The following CCDC50 variants were observed in gnomAD, a reference collection of about 807,000 sequenced individuals.
CCDC50 encodes the protein coiled-coil domain-containing protein 50.
In CCDC50, 54 loss-of-function variants were observed where a neutral mutation model predicts 70.2. That is an observed-to-expected ratio of 0.77 (90% CI 0.62 to 0.96). The LOEUF (loss-of-function observed/expected upper bound fraction) is 0.96. Among genes scored for constraint, CCDC50 ranks in the 50% least tolerant of loss-of-function variants. The pLI is 0.00. For missense variants in CCDC50, 558 were observed against 578.7 expected (o/e 0.96, Z 0.37); for synonymous variants, 216 against 198.8 (o/e 1.09, Z -0.73).
intron 11 of CCDC50, among the ~76,000 whole-genome samples, chr3:191,391,116 T>C (rs976702898): frequency 9.4e-6 from 1 of 106,078 alleles, no homozygotes; most frequent in African/African-American, 6.9e-5. Context: ...TTTGCAAATA[T>C]ATTATATCTC....
At chr3:191,343,537 A>G (rs964422049) in intron 1 of CCDC50, among the ~76,000 whole-genome samples, 5 of 152,384 alleles carry the variant, frequency 3.3e-5, no homozygotes, top group East Asian at 1.9e-4. Flanking sequence ...ATTTAAAAAC[A>G]GCAGAAGTGC....
chr3:191,336,822 A>G (rs1448337681), intron 1 of CCDC50, among the ~76,000 whole-genome samples: 1 of 152,208 alleles, frequency 6.6e-6, no homozygotes, highest in Non-Finnish European at 1.5e-5. Context: ...AAGTTTTTGC[A>G]GTGACAGCTC....
chr3:191,352,595 A>C lies in CCDC50; in HGVS notation c.50-4493A>C. ...ACATAACCTGTTTAGACTGAATTCC[A>C]TCGTACATTTAATAGACTATCAATA... On this transcript the variant is annotated intron_variant, in intron 1 of 11. Transcript: ENST00000392455. Among the ~76,000 whole-genome samples the C allele has an allele frequency of 1.4e-5, 2 of 142,624 alleles. 1 individual carries two copies. Among genetic ancestry groups the C allele is most frequent in the Non-Finnish European group, 3.2e-5 (2 of 63,256 alleles). 93.6% of individuals were successfully genotyped at this position (142,624 alleles called of 152,430 possible).
intron 1 of CCDC50, among the ~76,000 whole-genome samples, chr3:191,336,605 A>C (rs1208875238): frequency 6.6e-6 from 1 of 152,134 alleles, no homozygotes; most frequent in Non-Finnish European, 1.5e-5. Context: ...ATGCTTTTAA[A>C]AACCTTAGTT....
At chr3:191,360,230 T>C (rs1013137880) in intron 3 of CCDC50, among the ~76,000 whole-genome samples, 1 of 152,248 alleles carries the variant, frequency 6.6e-6, no homozygotes, top group Admixed American at 6.5e-5. Flanking sequence ...TATAATTAGC[T>C]GACTGAACCA....
At chr3:191,371,235 G>C (rs1712903088) in intron 5 of CCDC50, among the ~76,000 whole-genome samples, 1 of 152,122 alleles carries the variant, frequency 6.6e-6, no homozygotes, top group Non-Finnish European at 1.5e-5. Context: ...CTTCTCTGGT[G>C]CCTGCTTTGC....
chr3:191,366,724 A>G (rs1437730224), intron 4 of CCDC50, among the ~76,000 whole-genome samples: 2 of 151,788 alleles, frequency 1.3e-5, no homozygotes, highest in African/African-American at 4.8e-5. Flanking sequence ...CATCTTAAAG[A>G]GTTATATATG....
At position 191,391,793 on chromosome 3, in the gene CCDC50, C is replaced by G. The variant is rs750828991; in HGVS notation, c.*33C>G. 6.3e-7 allele frequency: 1 copy of G among 1,591,550 alleles called. No individual in the cohort carries two copies. Among genetic ancestry groups the G allele is most frequent in the Non-Finnish European group, 8.6e-7 (1 of 1,159,916 alleles). ...GGAATCTGCCTTGAAAATGGACTCA[C>G]TATAGCAAATATTACTGGGTGATAC... On this transcript the variant is annotated 3_prime_UTR_variant, in exon 12 of 12. Coordinates refer to ENST00000392455, the MANE Select transcript of CCDC50 (RefSeq NM_178335.3).
intron 4 of CCDC50, among the ~76,000 whole-genome samples, chr3:191,365,871 A>G (rs1712670254): frequency 6.6e-6 from 1 of 152,144 alleles, no homozygotes; most frequent in African/African-American, 2.4e-5. Context: ...TCATATACAG[A>G]TTGAGCATCC....
In CCDC50 at chr3:191,394,997, A is replaced by G. The variant is rs1198713386; in HGVS notation, c.*3237A>G. 2.0e-5 allele frequency: 3 copies of G among 152,186 alleles called. No homozygotes were observed. The highest frequency in any genetic ancestry group is 4.4e-5 in the Non-Finnish European group (3 of 68,000). 9.4% of individuals were successfully genotyped at this position (152,186 alleles called of 1,614,324 possible). ...TTACAAAAGCAGAAAATGAAAATTA[A>G]CCCTAGGTGTTCTGATGATAGAGAA... On this transcript the variant is annotated 3_prime_UTR_variant, in exon 12 of 12. Transcript: ENST00000392455.
intron 4 of CCDC50, among the ~76,000 whole-genome samples, chr3:191,363,087 T>C (rs1479350870): frequency 6.8e-6 from 1 of 146,292 alleles, no homozygotes; most frequent in Non-Finnish European, 1.5e-5. Context: ...TTTTTTTTTT[T>C]CTCCGTTTAG....
chr3:191,333,661 A>G (rs917289379), intron 1 of CCDC50, among the ~76,000 whole-genome samples: 7 of 152,188 alleles, frequency 4.6e-5, no homozygotes, highest in Admixed American at 3.9e-4. Context: ...ATCAGCAACT[A>G]TTCAGTAAAT....
At position 191,329,942 on chromosome 3, in the gene CCDC50, TGG is replaced by T. The variant is rs34226642; in HGVS notation, c.49+232_49+233del. Among the ~76,000 whole-genome samples, 17,547 of 102,398 alleles carry T rather than the reference TGG, an allele frequency of 0.17. 1,396 individuals are homozygous for T. Among genetic ancestry groups the T allele is most frequent in the African/African-American group, 0.18 (6,131 of 33,152 alleles). The allele number at this position is 102,398 out of a possible 152,430, so 67.2% of individuals were successfully genotyped here. ...GCCCGTTTTTTCTCAAGGGGGTGGT[TGG>T]GGGGGGGGGGGGCTAGCAGCAGCCC... On this transcript the variant is annotated intron_variant, in intron 1 of 11. Transcript: ENST00000392455.
chr3:191,364,017 C>A (rs1023097706), intron 4 of CCDC50, among the ~76,000 whole-genome samples: 3 of 151,808 alleles, frequency 2.0e-5, no homozygotes, highest in African/African-American at 7.3e-5. Flanking sequence ...AGTGCTAACT[C>A]TTCCGGCCAA....
Position 191,349,631 on chromosome 3 carries a change from A to G in CCDC50, c.50-7457A>G, listed in dbSNP as rs1712038026. 1.4e-5 allele frequency among the ~76,000 whole-genome samples: 2 copies of G among 141,956 alleles called. 1 individual carries two copies. Among genetic ancestry groups the G allele is most frequent in the Admixed American group, 1.4e-4 (2 of 13,888 alleles). 93.1% of individuals were successfully genotyped at this position (141,956 alleles called of 152,430 possible). ...AGGTACTTAATGAAGTACAGTGTAC[A>G]TTATTCAGGTGGTGATTACGGTAAA... On this transcript the variant is annotated intron_variant, in intron 1 of 11. Coordinates refer to ENST00000392455, the MANE Select transcript of CCDC50 (RefSeq NM_178335.3).
At chr3:191,369,878 C>T (rs1712836001) in intron 4 of CCDC50, 41 bp from the exon 5 acceptor site, 1 of 1,433,634 alleles carries the variant, frequency 7.0e-7, no homozygotes, top group African/African-American at 1.4e-5. Flanking sequence ...TTTGTTTGTT[C>T]TTTGGTAATG....
intron 3 of CCDC50, 43 bp from the exon 4 acceptor site, chr3:191,361,026 A>G: frequency 7.6e-7 from 1 of 1,308,694 alleles, no homozygotes; most frequent in South Asian, 1.2e-5. Flanking sequence ...GAAATACATT[A>G]TTTTTTATTT....
intron 9 of CCDC50, among the ~76,000 whole-genome samples, chr3:191,381,793 A>G (rs950908728): frequency 1.3e-5 from 2 of 152,096 alleles, no homozygotes; most frequent in African/African-American, 4.8e-5. Context: ...TTCCTTACAC[A>G]GTTGGTGTTT....
chr3:191,361,016 G>A lies in CCDC50; in HGVS notation c.240-53G>A, dbSNP rs765113220. On this transcript the variant is annotated intron_variant, in intron 3 of 11. Coordinates refer to ENST00000392455, the MANE Select transcript of CCDC50 (RefSeq NM_178335.3). ...AATAAATTGTATTTATTACTTTTAG[G>A]AAATACATTATTTTTTATTTTCCTT... 424 of 1,201,868 alleles carry A rather than the reference G, an allele frequency of 3.5e-4. No homozygotes were observed. The Middle Eastern group carries it at 9.3e-3, about 26-fold the overall frequency. 74.5% of individuals were successfully genotyped at this position (1,201,868 alleles called of 1,614,324 possible).
Sources: gnomAD v4.1 joint callset for allele counts (sites outside exome capture counted in the v4.1 genomes callset) on GRCh38, gnomAD v4.1.1 for gene constraint, MANE v1.5 for transcripts, NCBI Gene and HGNC (gene_info 2026-07-23, HGNC 2026-07-21) for gene names.